The following OXR1 variants were observed in gnomAD, a reference collection of about 807,000 sequenced individuals.
OXR1 encodes oxidation resistance protein 1.
A neutral mutation model predicts 104.6 loss-of-function variants in OXR1; 41 were observed. That is an observed-to-expected ratio of 0.39 (90% confidence interval 0.31 to 0.51). The LOEUF (loss-of-function observed/expected upper bound fraction) is 0.51. OXR1 is among the 20% of genes least tolerant of loss of function. The pLI, the probability that OXR1 is intolerant of heterozygous loss-of-function variation, is 0.77. For missense variants in OXR1, 955 were observed against 1,031.9 expected, an observed-to-expected ratio of 0.93 and a Z score of 1.02; for synonymous variants, 348 against 348.4, an observed-to-expected ratio of 1.00 and a Z score of 0.01.
intron 3 of OXR1, among the ~76,000 whole-genome samples, chr8:106,672,454 T>G (rs954486770): frequency 6.7e-6 from 1 of 149,032 alleles, no homozygotes; most frequent in African/African-American, 2.5e-5. Flanking sequence ...GCCACTGTAC[T>G]CCAGCCTGGG....
intron 2 of OXR1, among the ~76,000 whole-genome samples, chr8:106,431,438 T>C (rs1819354816): frequency 6.6e-6 from 1 of 152,210 alleles, no homozygotes; most frequent in South Asian, 2.1e-4. Context: ...ACCTGTGATA[T>C]TGTATTAAAC....
chr8:106,424,186 C>G lies in OXR1; in HGVS notation c.23+64550C>G, dbSNP rs111977053. 3.8e-3 allele frequency among the ~76,000 whole-genome samples: 582 copies of G among 152,214 alleles called. 4 individuals carry two copies. The highest frequency in any genetic ancestry group is 0.013 in the African/African-American group (557 of 41,536). ...CTCCTGACCTTAAGTGATCCACCCC[C>G]CTCAGCCTCCCAAACTGCCGGGATT... is the stretch of plus-strand genomic sequence containing the variant. On this transcript the variant is annotated intron_variant, in intron 2 of 16. Transcript: ENST00000517566.
intron 2 of OXR1, among the ~76,000 whole-genome samples, chr8:106,516,718 ATCCACAGTTTGGTTTTCTGCAGTT>A (rs1448164164): frequency 6.6e-6 from 1 of 152,136 alleles, no homozygotes; most frequent in African/African-American, 2.4e-5. Flanking sequence ...GTACCACCTT[ATCCACAGTTTGGTTTTCTGCAGTT>A]TCAGTTAACT....
intron 2 of OXR1, among the ~76,000 whole-genome samples, chr8:106,361,905 C>CT (rs1563737022): frequency 6.6e-6 from 1 of 152,160 alleles, no homozygotes; most frequent in African/African-American, 2.4e-5. Context: ...AGTGCATTCT[C>CT]TAACTGTTGT....
At chr8:106,456,481 C>A (rs1321450968) in intron 2 of OXR1, among the ~76,000 whole-genome samples, 1 of 152,156 alleles carries the variant, frequency 6.6e-6, no homozygotes, top group African/African-American at 2.4e-5. Context: ...TTTGATACAT[C>A]TAGCACCATT....
chr8:106,334,406 C>G (rs1396051117), intron 1 of OXR1, among the ~76,000 whole-genome samples: 1 of 152,082 alleles, frequency 6.6e-6, no homozygotes, highest in Non-Finnish European at 1.5e-5. Context: ...ACTTTTTCCT[C>G]TGTACTCTTG....
chr8:106,408,596 T>C (rs1356341985), intron 2 of OXR1, among the ~76,000 whole-genome samples: 2 of 152,242 alleles, frequency 1.3e-5, no homozygotes, highest in Non-Finnish European at 2.9e-5. Flanking sequence ...GCAAATTCAG[T>C]GGGCAGGTCC....
At chr8:106,657,893 G>T in intron 3 of OXR1, 1 of 1,245,944 alleles carries the variant, frequency 8.0e-7, no homozygotes, top group Non-Finnish European at 1.0e-6. Flanking sequence ...CCCTGGGTCA[G>T]GTCTGATGGG....
At chr8:106,663,661 A>G (rs1378523847) in intron 3 of OXR1, among the ~76,000 whole-genome samples, 1 of 152,230 alleles carries the variant, frequency 6.6e-6, no homozygotes, top group African/African-American at 2.4e-5. Context: ...CAAGCGAGCC[A>G]GCATTACTGC....
At chr8:106,316,279 A>C (rs1231048100) in intron 1 of OXR1, among the ~76,000 whole-genome samples, 1 of 152,246 alleles carries the variant, frequency 6.6e-6, no homozygotes, top group African/African-American at 2.4e-5. Flanking sequence ...CTGTCAAAAT[A>C]GACAAACCCA....
chr8:106,341,484 T>C (rs1440551113), intron 1 of OXR1, among the ~76,000 whole-genome samples: 1 of 151,850 alleles, frequency 6.6e-6, no homozygotes, highest in African/African-American at 2.4e-5. Flanking sequence ...ATAAATAATA[T>C]TGTCTCATCT....
chr8:106,731,248 CAT>C (rs1254713696), intron 11 of OXR1, among the ~76,000 whole-genome samples: 1 of 152,104 alleles, frequency 6.6e-6, no homozygotes, highest in Non-Finnish European at 1.5e-5. Context: ...TTTACATAAA[CAT>C]AGAGATAGAA....
At chr8:106,402,776 C>G (rs893231019) in intron 2 of OXR1, among the ~76,000 whole-genome samples, 4 of 152,128 alleles carry the variant, frequency 2.6e-5, no homozygotes, top group Admixed American at 1.3e-4. Flanking sequence ...CAAGGAGACC[C>G]AACTTCCCCT....
At chr8:106,557,794 T>G (rs1321389142) in intron 3 of OXR1, among the ~76,000 whole-genome samples, 1 of 152,206 alleles carries the variant, frequency 6.6e-6, no homozygotes, top group Non-Finnish European at 1.5e-5. Context: ...CCACACATGT[T>G]GGTAACAGAA....
chr8:106,362,544 T>C lies in OXR1; in HGVS notation c.23+2908T>C, dbSNP rs1288098279. On this transcript the variant is annotated intron_variant, in intron 2 of 16. Transcript: ENST00000517566. ...AATAATTTAGCCATTTCATGTAAAATCTAAGAAATATATTTAATCTAGGAA... is the reference window on the plus strand; with the variant it reads ...AATAATTTAGCCATTTCATGTAAAACCTAAGAAATATATTTAATCTAGGAA... Among the ~76,000 whole-genome samples, 40 of 152,222 alleles carry C rather than the reference T, an allele frequency of 2.6e-4. 1 individual carries two copies. The highest frequency in any genetic ancestry group is 5.9e-5 in the Non-Finnish European group (4 of 68,012).
intron 1 of OXR1, among the ~76,000 whole-genome samples, chr8:106,288,974 A>G (rs1812631658): frequency 6.6e-6 from 1 of 152,094 alleles, no homozygotes; most frequent in Non-Finnish European, 1.5e-5. Context: ...CCTTGTTTTC[A>G]CAGACTCTGC....
chr8:106,459,827 G>T (rs1383373770), intron 2 of OXR1, among the ~76,000 whole-genome samples: 1 of 152,128 alleles, frequency 6.6e-6, no homozygotes, highest in Non-Finnish European at 1.5e-5. Flanking sequence ...TTTCGTAAAA[G>T]ACACTCCTTA....
intron 3 of OXR1, chr8:106,618,254 G>T (rs545357148): frequency 8.4e-7 from 1 of 1,191,552 alleles, no homozygotes; most frequent in African/African-American, 1.5e-5. Flanking sequence ...GGACATTAAA[G>T]GGCACACTTT....
intron 3 of OXR1, among the ~76,000 whole-genome samples, chr8:106,576,297 G>A (rs192469535): frequency 5.3e-5 from 8 of 151,470 alleles, no homozygotes; most frequent in African/African-American, 1.7e-4. Context: ...TCTGTATCTC[G>A]TAAATTTTCT....
Sources: gnomAD v4.1 joint callset for allele counts (sites outside exome capture counted in the v4.1 genomes callset) on GRCh38, gnomAD v4.1.1 for gene constraint, MANE v1.5 for transcripts, NCBI Gene and HGNC (gene_info 2026-07-23, HGNC 2026-07-21) for gene names.